The following ZNF423 variants were observed in gnomAD, a reference collection of about 807,000 sequenced individuals.
ZNF423 encodes Ebf-associated zinc finger protein.
A neutral mutation model predicts 95.8 loss-of-function variants in ZNF423; 12 were observed. The ratio of observed to expected loss-of-function variants is 0.13; its 90% CI spans 0.08 to 0.20. The LOEUF (loss-of-function observed/expected upper bound fraction) is 0.20, where lower values mean the gene tolerates loss of function less well. ZNF423 is among the 10% of genes least tolerant of loss of function. The pLI, the probability that ZNF423 is intolerant of heterozygous loss-of-function variation, is 1.00. For synonymous variants in ZNF423, 749 were observed against 711.9 expected, an observed-to-expected ratio of 1.05 and a Z score of -0.83; for missense variants, 1,316 against 1,737.1, an observed-to-expected ratio of 0.76 and a Z score of 4.31.
chr16:49,559,451 C>T (rs1969948465), intron 5 of ZNF423, among the ~76,000 whole-genome samples: 1 of 152,218 alleles, frequency 6.6e-6, no homozygotes, highest in African/African-American at 2.4e-5. Flanking sequence ...TCACCAGTCT[C>T]CATCCATCCC....
At chr16:49,663,135 C>T (rs932649674) in intron 3 of ZNF423, among the ~76,000 whole-genome samples, 1 of 152,224 alleles carries the variant, frequency 6.6e-6, no homozygotes, top group African/African-American at 2.4e-5. Flanking sequence ...CTCTCCACCC[C>T]ATCGCGCCAT....
chr16:49,667,393 G>A (rs930676760), intron 3 of ZNF423, among the ~76,000 whole-genome samples: 3 of 152,318 alleles, frequency 2.0e-5, no homozygotes, highest in East Asian at 1.9e-4. Flanking sequence ...CTCATCCCCC[G>A]AGTGAGGAAG....
chr16:49,856,548 G>T (rs994974962), upstream of ZNF423, among the ~76,000 whole-genome samples: 15 of 151,586 alleles, frequency 9.9e-5, no homozygotes, highest in African/African-American at 3.6e-4. Context: ...GGGGGCGGGG[G>T]TCCCTCAACT....
intron 3 of ZNF423, among the ~76,000 whole-genome samples, chr16:49,685,232 C>T (rs1330390296): frequency 6.6e-6 from 1 of 152,202 alleles, no homozygotes; most frequent in Non-Finnish European, 1.5e-5. Context: ...CATCAAGCAG[C>T]ATCCCCATCC....
chr16:49,797,245 C>G (rs764712836), intron 1 of ZNF423, among the ~76,000 whole-genome samples: 1 of 152,092 alleles, frequency 6.6e-6, no homozygotes, highest in African/African-American at 2.4e-5. Context: ...ATAGACCAGG[C>G]AGGGAGGCCA....
At chr16:49,627,637 C>T (rs763862998) in intron 4 of ZNF423, among the ~76,000 whole-genome samples, 1 of 148,142 alleles carries the variant, frequency 6.8e-6, no homozygotes, top group Non-Finnish European at 1.5e-5. Flanking sequence ...TCTACCCGTC[C>T]GTCTCCCCAC....
intron 3 of ZNF423, among the ~76,000 whole-genome samples, chr16:49,676,852 G>A (rs1049719097): frequency 3.3e-5 from 5 of 152,176 alleles, no homozygotes; most frequent in Admixed American, 6.5e-5. Context: ...TGGACTTAGC[G>A]GCCATGGGAG....
chr16:49,650,537 T>G (rs1463819267), intron 3 of ZNF423, among the ~76,000 whole-genome samples: 1 of 152,200 alleles, frequency 6.6e-6, no homozygotes, highest in Non-Finnish European at 1.5e-5. Context: ...CCATTATCCA[T>G]TTGACATCTG....
intron 2 of ZNF423, among the ~76,000 whole-genome samples, chr16:49,749,097 C>T (rs957324597): frequency 4.6e-5 from 7 of 152,154 alleles, no homozygotes; most frequent in African/African-American, 1.7e-4. Flanking sequence ...AGGAGAGTAA[C>T]CTCCTCTCAA....
intron 1 of ZNF423, among the ~76,000 whole-genome samples, chr16:49,795,351 G>A (rs545493799): frequency 8.5e-5 from 13 of 152,302 alleles, no homozygotes; most frequent in African/African-American, 3.1e-4. Context: ...GGGAGCAGAA[G>A]GTCACACATG....
chr16:49,851,374 TA>T (rs1261196313), intron 1 of ZNF423, among the ~76,000 whole-genome samples: 2 of 152,202 alleles, frequency 1.3e-5, no homozygotes, highest in Non-Finnish European at 2.9e-5. Flanking sequence ...AATGAACAGT[TA>T]AGAGAAATCA....
chr16:49,840,221 G>A (rs2035168558), intron 1 of ZNF423, among the ~76,000 whole-genome samples: 2 of 152,230 alleles, frequency 1.3e-5, no homozygotes, highest in South Asian at 4.2e-4. Context: ...AGAGTCCCAC[G>A]CTGGCATTTT....
rs1254445816 is a variant in ZNF423, at chr16:49,845,524, T to TTTTTG, written c.40+10206_40+10210dup. On this transcript the variant is annotated intron_variant, in intron 1 of 7. Transcript: ENST00000563137. Reference sequence around the variant, plus strand: ...CAGTTCTGAGCCACCACGGCTCCCATTTTTGTTTTGTTTTGTTTTGGTTTG... The same window carrying TTTTTG: ...CAGTTCTGAGCCACCACGGCTCCCATTTTTGTTTTGTTTTGTTTTGTTTTGGTTTG... Among the ~76,000 whole-genome samples the TTTTTG allele has an allele frequency of 1.6e-4, 24 of 151,684 alleles. 1 individual carries two copies. The South Asian group carries it at 4.6e-3, about 29-fold the overall frequency.
chr16:49,518,291 T>G (rs577966948), intron 7 of ZNF423: 1 of 393,662 alleles, frequency 2.5e-6, no homozygotes, highest in East Asian at 7.1e-5. Flanking sequence ...GGTAAGTATA[T>G]TGTATATCAA....
chr16:49,588,714 G>C (rs763699002), intron 5 of ZNF423, among the ~76,000 whole-genome samples: 9 of 152,210 alleles, frequency 5.9e-5, no homozygotes, highest in Non-Finnish European at 8.8e-5. Flanking sequence ...AAAGCTTCTA[G>C]AGGGCAGCAA....
intron 6 of ZNF423, 74 bp from the exon 7 acceptor site, chr16:49,523,813 C>T: frequency 8.3e-7 from 1 of 1,207,634 alleles, no homozygotes; most frequent in Non-Finnish European, 1.2e-6. Context: ...GCCCCCACAA[C>T]ACTCGCAGGC....
intron 1 of ZNF423, among the ~76,000 whole-genome samples, chr16:49,840,161 A>G (rs995719432): frequency 6.6e-6 from 1 of 152,240 alleles, no homozygotes; most frequent in African/African-American, 2.4e-5. Flanking sequence ...AGAGGATTCC[A>G]TGACAAGTGA....
At chr16:49,819,078 C>T (rs34212526) in intron 1 of ZNF423, among the ~76,000 whole-genome samples, 32,759 of 151,372 alleles carry the variant, frequency 0.22, 3,821 homozygotes, top group African/African-American at 0.31. Context: ...TGGTGAAACC[C>T]CGTCTCTACT....
intron 5 of ZNF423, among the ~76,000 whole-genome samples, chr16:49,535,084 A>C (rs751413456): frequency 6.6e-6 from 1 of 152,078 alleles, no homozygotes; most frequent in African/African-American, 2.4e-5. Context: ...TGCACCCCCC[A>C]ACCCCTTGGC....
Sources: allele counts gnomAD v4.1 joint callset (sites outside exome capture counted in the v4.1 genomes callset), GRCh38; gene constraint gnomAD v4.1.1; transcripts MANE v1.5; gene names NCBI Gene and HGNC (gene_info 2026-07-23, HGNC 2026-07-21).